SLC14A1: variants seen among roughly 807,000 people sequenced by gnomAD.
SLC14A1 encodes solute carrier family 14 member 1 (Kidd blood group).
SLC14A1 carries 36 observed loss-of-function variants against 39.6 expected under a neutral mutation model. The ratio of observed to expected loss-of-function variants is 0.91; its 90% CI spans 0.70 to 1.20. The LOEUF is 1.20. Among genes scored for constraint, SLC14A1 ranks in the 50% most tolerant of loss-of-function variants. SLC14A1 has a pLI of 0.00. For synonymous variants in SLC14A1, 164 were observed against 173.6 expected (o/e 0.94, Z 0.43); for missense variants, 469 against 478.7 (o/e 0.98, Z 0.19).
Position 45,739,617 on chromosome 18 carries a change from T to C in SLC14A1, c.901T>C (p.Phe301Leu), listed in dbSNP as rs1020183217. ...SLACIAMGGM[F>L]MALTWQTHLL... ...GGCCTGCATTGCAATGGGAGGAATG[T>C]TCATGGCGCTCACCTGGCAAACCCA... The change falls in exon 8 of 10, where the codon TTC becomes CTC. Residue 301 changes from phenylalanine (F) to leucine (L), a missense_variant. Physicochemically the swap from Phe to Leu is conservative, Grantham distance 22 (BLOSUM62 0). Coordinates refer to ENST00000321925, the MANE Select transcript of SLC14A1 (RefSeq NM_015865.7). 1.2e-6 allele frequency: 2 copies of C among 1,614,074 alleles called. No individual in the cohort carries two copies. The highest frequency in any genetic ancestry group is 8.5e-7 in the Non-Finnish European group (1 of 1,180,040).
intron 6 of SLC14A1, 39 bp downstream of exon 6, chr18:45,736,687 C>CA: frequency 6.4e-7 from 1 of 1,569,896 alleles, no homozygotes. Flanking sequence ...CCTGGCTCTG[C>CA]AAGATACGCA....
At chr18:45,746,966 C>A (rs191188055) in intron 8 of SLC14A1, among the ~76,000 whole-genome samples, 1 of 152,284 alleles carries the variant, frequency 6.6e-6, no homozygotes, top group East Asian at 1.9e-4. Context: ...TGAGACAATT[C>A]ATACGTGAAA....
chr18:45,727,182 C>A, intron 2 of SLC14A1: 1 of 1,400,092 alleles, frequency 7.1e-7, no homozygotes, highest in Non-Finnish European at 9.9e-7. Flanking sequence ...CCCCCCTCAG[C>A]TTGCCTTTTG....
Position 45,748,434 on chromosome 18 carries a change from GC to G in SLC14A1, c.996+10del. On this transcript the variant is annotated intron_variant, in intron 9 of 9. Transcript: ENST00000321925. ...CAAACTTTATGGCTGAGGTGAGTTT[GC>G]TTTAGTCTCACTTTTCATTAGCGTA... 1 of 1,613,808 alleles carries G rather than the reference GC, an allele frequency of 6.2e-7. No individual in the cohort carries two copies. Among genetic ancestry groups the G allele is most frequent in the Non-Finnish European group, 8.5e-7 (1 of 1,179,868 alleles).
At chr18:45,733,163 C>G (rs9949609) in intron 4 of SLC14A1, among the ~76,000 whole-genome samples, 64,602 of 151,888 alleles carry the variant, frequency 0.43, 14,504 homozygotes, top group East Asian at 0.52. Context: ...ATTTGGGTGA[C>G]GAGTTCAATA....
intron 9 of SLC14A1, among the ~76,000 whole-genome samples, chr18:45,749,111 G>C (rs2047636269): frequency 6.6e-6 from 1 of 151,594 alleles, no homozygotes; most frequent in African/African-American, 2.4e-5. Flanking sequence ...ATTTCTGATA[G>C]AGTAGGTCTT....
intron 5 of SLC14A1, among the ~76,000 whole-genome samples, chr18:45,735,535 G>C (rs1052433351): frequency 1.3e-5 from 2 of 152,042 alleles, no homozygotes; most frequent in African/African-American, 4.8e-5. Context: ...TGGAAACAAA[G>C]ATTTCCTTCT....
intron 9 of SLC14A1, 77 bp downstream of exon 9, chr18:45,748,502 C>T: frequency 6.8e-7 from 1 of 1,460,554 alleles, no homozygotes; most frequent in Admixed American, 1.7e-5. Flanking sequence ...TCCTGAAGTC[C>T]ACTGGGCTGG....
At chr18:45,738,766 C>T (rs1297881470) in intron 6 of SLC14A1, among the ~76,000 whole-genome samples, 1 of 152,136 alleles carries the variant, frequency 6.6e-6, no homozygotes, top group African/African-American at 2.4e-5. Context: ...CACTGATGGA[C>T]ATTTGAAAGC....
rs762656091 is a variant in SLC14A1 at position 45,736,515 on chromosome 18, C to A, written c.530C>A (p.Thr177Asn). ...MLSKWDLPVF[T>N]LPFNMALSMY... is the part of the protein sequence containing the mutation. Reference sequence around the variant, plus strand: ...AGCAAATGGGACCTCCCCGTCTTCACCCTCCCTTTCAACATGGCGTTGTCA... The same window carrying A: ...AGCAAATGGGACCTCCCCGTCTTCAACCTCCCTTTCAACATGGCGTTGTCA... Residue 177 changes from threonine to asparagine, a missense_variant, in exon 6 of 10, where the codon ACC becomes AAC. Physicochemically the swap from Thr to Asn is moderately conservative, Grantham distance 65. Transcript: ENST00000321925. 17 of 1,613,986 alleles carry A rather than the reference C, an allele frequency of 1.1e-5. 1 individual carries two copies. The highest frequency in any genetic ancestry group is 1.6e-4 in the Middle Eastern group (1 of 6,062).
intron 5 of SLC14A1, among the ~76,000 whole-genome samples, chr18:45,735,460 C>G (rs866139427): frequency 3.6e-4 from 55 of 151,944 alleles, no homozygotes; most frequent in Admixed American, 2.0e-4. Context: ...TGCTGAATTC[C>G]TTTTTTTTCA....
In SLC14A1 at chr18:45,727,793, C is replaced by T. The variant is rs2046916315; in HGVS notation, c.-21-2507C>T. 2.0e-5 allele frequency among the ~76,000 whole-genome samples: 3 copies of T among 152,224 alleles called. No homozygotes were observed. The South Asian group carries it at 6.2e-4, about 31-fold the overall frequency. ...TCCTGGCTGCATAGCCTTGCCTTGT[C>T]TTCCCAGTTAGGATGTAAGGACTCT... On this transcript the variant is annotated intron_variant, in intron 2 of 9. Transcript: ENST00000321925.
intron 8 of SLC14A1, chr18:45,741,140 T>G (rs1259503841): frequency 6.6e-6 from 1 of 152,206 alleles, no homozygotes; most frequent in African/African-American, 2.4e-5. Flanking sequence ...CTGCTTCCCT[T>G]TTATAGCATT....
rs1358387523 is a variant in SLC14A1 at position 45,734,310 on chromosome 18, C to T, written c.378C>T (p.Ala126=). ...LIASGLYGYN[A]TLVGVLMAVF... is the part of the protein sequence containing the mutation. ...CATCTGGGCTCTATGGCTACAATGC[C>T]ACCCTGGTGGGAGTACTCATGGCTG... The change falls in exon 5 of 10, where the codon GCC becomes GCT. Residue 126 remains alanine (A), a synonymous_variant. Transcript: ENST00000321925. 2 of 1,613,880 alleles carry T rather than the reference C, an allele frequency of 1.2e-6. No homozygotes were observed. Among genetic ancestry groups the T allele is most frequent in the Admixed American group, 3.3e-5 (2 of 59,990 alleles).
chr18:45,735,557 A>G (rs1351363376), intron 5 of SLC14A1, among the ~76,000 whole-genome samples: 1 of 152,156 alleles, frequency 6.6e-6, no homozygotes, highest in Non-Finnish European at 1.5e-5. Flanking sequence ...TCTATATTGT[A>G]GTTAAATATA....
intron 7 of SLC14A1, 61 bp downstream of exon 7, chr18:45,739,371 G>T: frequency 6.2e-7 from 1 of 1,612,042 alleles, no homozygotes; most frequent in South Asian, 1.1e-5. Flanking sequence ...ATTGCCTCAG[G>T]CATCTTCTGT....
chr18:45,739,089 G>A, intron 6 of SLC14A1, 74 bp from the exon 7 acceptor site: 1 of 1,455,656 alleles, frequency 6.9e-7, no homozygotes, highest in Non-Finnish European at 9.7e-7. Flanking sequence ...TTACATTGTA[G>A]GAGTTTGTGG....
intron 4 of SLC14A1, chr18:45,731,485 G>A (rs2047028534): frequency 4.3e-6 from 2 of 461,786 alleles, no homozygotes; most frequent in African/African-American, 3.9e-5. Context: ...GTTCTGAAGG[G>A]ATCTTCTTTA....
intron 2 of SLC14A1, chr18:45,727,162 C>T (rs769172393): frequency 1.6e-5 from 18 of 1,135,352 alleles, no homozygotes; most frequent in Non-Finnish European, 2.2e-5. Flanking sequence ...ACCCAGTGGG[C>T]GCGCTCCAGC....
Sources: gnomAD v4.1 joint callset for allele counts (sites outside exome capture counted in the v4.1 genomes callset) on GRCh38, gnomAD v4.1.1 for gene constraint, MANE v1.5 for transcripts, NCBI Gene and HGNC (gene_info 2026-07-23, HGNC 2026-07-21) for gene names.